Variants in FRMD4A observed in about 807,000 individuals in gnomAD.
The protein encoded by FRMD4A is FERM domain containing 4A.
Under a neutral mutation model 129.1 loss-of-function variants are expected in FRMD4A, and 29 were observed. The ratio of observed to expected loss-of-function variants is 0.22; its 90% CI spans 0.17 to 0.31. The LOEUF is 0.31. FRMD4A is among the 10% of genes least tolerant of loss of function. The probability of loss-of-function intolerance (pLI) is 1.00; values close to 1 mark genes in which losing one functional copy is unlikely to be tolerated. For synonymous variants in FRMD4A, 634 were observed against 571.6 expected, an observed-to-expected ratio of 1.11 and a Z score of -1.56; for missense variants, 1,272 against 1,375.8, an observed-to-expected ratio of 0.92 and a Z score of 1.19.
At chr10:14,233,793 C>A (rs1843711780) in intron 2 of FRMD4A, among the ~76,000 whole-genome samples, 1 of 152,228 alleles carries the variant, frequency 6.6e-6, no homozygotes, top group Non-Finnish European at 1.5e-5. Context: ...GGCTGCACAG[C>A]CATGCACTTG....
At chr10:13,669,399 T>C (rs187370537) in intron 17 of FRMD4A, among the ~76,000 whole-genome samples, 6 of 152,294 alleles carry the variant, frequency 3.9e-5, no homozygotes, top group Non-Finnish European at 5.9e-5. Flanking sequence ...TTGAAGCACA[T>C]TGGTGTGTCT....
At chr10:14,319,349 C>CCTCTCTCTCTCTCTCTCT (rs10645584) in intron 2 of FRMD4A, among the ~76,000 whole-genome samples, 63 of 137,372 alleles carry the variant, frequency 4.6e-4, no homozygotes, top group Middle Eastern at 3.8e-3. Context: ...ATCTCTCTCT[C>CCTCTCTCTCTCTCTCTCT]CTCTCTCTCT....
At chr10:14,230,714 A>T (rs760438074) in intron 2 of FRMD4A, among the ~76,000 whole-genome samples, 17 of 152,312 alleles carry the variant, frequency 1.1e-4, no homozygotes, top group South Asian at 4.1e-4. Flanking sequence ...TTTGGAGTAC[A>T]GACTATTTTG....
At chr10:14,087,509 C>G (rs569900869) in intron 2 of FRMD4A, 89 of 152,056 alleles carry the variant, frequency 5.9e-4, no homozygotes, top group African/African-American at 2.0e-3. Context: ...TTTTGTTTTT[C>G]TCAAGCGCTT....
At chr10:14,038,048 C>T (rs1032874820) in intron 2 of FRMD4A, among the ~76,000 whole-genome samples, 3 of 152,188 alleles carry the variant, frequency 2.0e-5, no homozygotes, top group Admixed American at 1.3e-4. Context: ...TAAGGCCGGT[C>T]GCGGTGGCTC....
intron 15 of FRMD4A, among the ~76,000 whole-genome samples, chr10:13,688,612 A>C (rs2085337661): frequency 6.6e-6 from 1 of 152,306 alleles, no homozygotes; most frequent in South Asian, 2.1e-4. Flanking sequence ...TTTAAAAAAT[A>C]AAAATGAAGC....
intron 2 of FRMD4A, among the ~76,000 whole-genome samples, chr10:14,263,409 T>G (rs1424969042): frequency 6.6e-6 from 1 of 152,218 alleles, no homozygotes; most frequent in Non-Finnish European, 1.5e-5. Flanking sequence ...CAAATTTCCG[T>G]CGTCTTCCTT....
At position 13,778,649 on chromosome 10, in the gene FRMD4A, T is replaced by A. The variant is rs148271845; in HGVS notation, c.384+4273A>T. ...TGTGTGTGTGTTAAGGTTTAATGGG[T>A]TTTTGCAATCCCTAGGGCCTGAGTT... On this transcript the variant is annotated intron_variant, in intron 6 of 24. Coordinates refer to ENST00000357447, the MANE Select transcript of FRMD4A (RefSeq NM_018027.5). 2.8e-3 allele frequency among the ~76,000 whole-genome samples: 426 copies of A among 150,768 alleles called. 3 individuals carry two copies. Among genetic ancestry groups the A allele is most frequent in the African/African-American group, 9.9e-3 (410 of 41,230 alleles).
intron 2 of FRMD4A, chr10:14,008,391 C>T (rs1285751680): frequency 9.7e-7 from 1 of 1,025,846 alleles, no homozygotes; most frequent in African/African-American, 1.7e-5. Flanking sequence ...ACTTCAGCGC[C>T]CACGAAGCAG....
chr10:14,195,139 A>G (rs1351826651), intron 2 of FRMD4A, among the ~76,000 whole-genome samples: 2 of 152,242 alleles, frequency 1.3e-5, no homozygotes, highest in Admixed American at 6.5e-5. Context: ...TCTCCCAAAC[A>G]TCAAAAATAA....
At chr10:14,133,877 A>C (rs902279485) in intron 2 of FRMD4A, among the ~76,000 whole-genome samples, 1 of 152,350 alleles carries the variant, frequency 6.6e-6, no homozygotes, top group Admixed American at 6.5e-5. Context: ...AGTCTCACCT[A>C]TGATGAATTC....
At chr10:13,784,620 G>A (rs1238826604) in intron 5 of FRMD4A, among the ~76,000 whole-genome samples, 1 of 152,174 alleles carries the variant, frequency 6.6e-6, no homozygotes, top group African/African-American at 2.4e-5. Context: ...GGAGATACAG[G>A]ACCTCATGTG....
intron 2 of FRMD4A, among the ~76,000 whole-genome samples, chr10:13,936,763 C>T (rs1372627961): frequency 6.6e-6 from 1 of 152,176 alleles, no homozygotes; most frequent in Non-Finnish European, 1.5e-5. Flanking sequence ...AGACCCTCTT[C>T]CTTGCAAATG....
chr10:13,838,991 CTTTTTTTTTTT>C, intron 3 of FRMD4A, among the ~76,000 whole-genome samples: 1 of 95,704 alleles, frequency 1.0e-5, no homozygotes, highest in South Asian at 3.9e-4. Context: ...GAATAATTTC[CTTTTTTTTTTT>C]TTTTTTTTTT....
chr10:14,231,499 C>A (rs28887574), intron 2 of FRMD4A, among the ~76,000 whole-genome samples: 3 of 152,070 alleles, frequency 2.0e-5, no homozygotes, highest in Non-Finnish European at 2.9e-5. Flanking sequence ...CTCACCACCA[C>A]GCCCGGCTAA....
intron 2 of FRMD4A, among the ~76,000 whole-genome samples, chr10:13,937,210 A>G (rs906726453): frequency 6.6e-6 from 1 of 152,244 alleles, no homozygotes; most frequent in African/African-American, 2.4e-5. Flanking sequence ...GAAAGAGGAA[A>G]GAATAACACT....
intron 2 of FRMD4A, among the ~76,000 whole-genome samples, chr10:14,135,623 C>T (rs1415994837): frequency 6.6e-6 from 1 of 152,126 alleles, no homozygotes; most frequent in African/African-American, 2.4e-5. Context: ...GATGAACTCT[C>T]ACAAAGACAT....
At chr10:14,182,142 A>G (rs888730871) in intron 2 of FRMD4A, among the ~76,000 whole-genome samples, 2 of 152,208 alleles carry the variant, frequency 1.3e-5, no homozygotes, top group Non-Finnish European at 2.9e-5. Context: ...TTGTTTATCA[A>G]ACCTAGACTG....
In FRMD4A at chr10:14,323,077, C is replaced by T. The variant is rs138100570; in HGVS notation, c.45+6981G>A. The stretch of plus-strand genomic sequence containing the variant: ...TTAAATTTGCTCATAACTAGAATGG[C>T]TCACATGGCCACAGGAACATCTGTT... On this transcript the variant is annotated intron_variant, in intron 2 of 24. Transcript: ENST00000357447. Among the ~76,000 whole-genome samples the T allele has an allele frequency of 2.0e-5, 3 of 152,282 alleles. No homozygotes were observed. The East Asian group carries it at 5.8e-4, about 29-fold the overall frequency.
Sources: allele counts gnomAD v4.1 joint callset (sites outside exome capture counted in the v4.1 genomes callset), GRCh38; gene constraint gnomAD v4.1.1; transcripts MANE v1.5; gene names NCBI Gene and HGNC (gene_info 2026-07-23, HGNC 2026-07-21).